The following TMTC1 variants were observed in gnomAD, a reference collection of about 807,000 sequenced individuals.
TMTC1 encodes the protein transmembrane O-mannosyltransferase targeting cadherins 1, also known as protein O-mannosyl-transferase TMTC1.
Under a neutral mutation model 104.8 loss-of-function variants are expected in TMTC1, and 73 were observed. The ratio of observed to expected loss-of-function variants is 0.70; its 90% CI spans 0.58 to 0.85. The LOEUF (loss-of-function observed/expected upper bound fraction) is 0.85, where lower values mean the gene tolerates loss of function less well. Among genes scored for constraint, TMTC1 ranks in the 40% least tolerant of loss-of-function variants. TMTC1 has a pLI of 0.00. For missense variants in TMTC1, 1,035 were observed against 1,096.1 expected, an observed-to-expected ratio of 0.94 and a Z score of 0.79; for synonymous variants, 434 against 428.7, an observed-to-expected ratio of 1.01 and a Z score of -0.15.
At chr12:29,622,587 T>C (rs756304624) in intron 6 of TMTC1, among the ~76,000 whole-genome samples, 2 of 152,212 alleles carry the variant, frequency 1.3e-5, no homozygotes, top group Admixed American at 6.5e-5. Context: ...GAATGGAATA[T>C]TCAGCCTTTG....
intron 5 of TMTC1, among the ~76,000 whole-genome samples, chr12:29,724,707 A>T (rs777938753): frequency 2.6e-5 from 4 of 152,212 alleles, no homozygotes; most frequent in Non-Finnish European, 5.9e-5. Flanking sequence ...ATCATATAGG[A>T]ATACAAACGT....
intron 8 of TMTC1, 82 bp downstream of exon 8, chr12:29,583,325 C>G: frequency 7.4e-7 from 1 of 1,355,548 alleles, no homozygotes; most frequent in Admixed American, 2.1e-5. Flanking sequence ...CTGCCAGGCC[C>G]ATGTTACCTC....
chr12:29,562,895 C>T (rs560490804), intron 9 of TMTC1, among the ~76,000 whole-genome samples: 69 of 152,302 alleles, frequency 4.5e-4, no homozygotes, highest in African/African-American at 1.5e-3. Context: ...CCATGCCAGG[C>T]TGAAGCAGCC....
chr12:29,544,299 A>G (rs1019974201), intron 10 of TMTC1, among the ~76,000 whole-genome samples: 8 of 151,872 alleles, frequency 5.3e-5, no homozygotes, highest in East Asian at 1.9e-4. Context: ...GTGGCGCAAA[A>G]GTGGCACTGG....
At chr12:29,525,599 A>C (rs1172563500) in intron 11 of TMTC1, among the ~76,000 whole-genome samples, 1 of 142,402 alleles carries the variant, frequency 7.0e-6, no homozygotes, top group Non-Finnish European at 1.6e-5. Flanking sequence ...TTTTTTTTTA[A>C]ATCTAGCGAA....
intron 5 of TMTC1, among the ~76,000 whole-genome samples, chr12:29,725,492 C>T (rs1438342209): frequency 6.6e-6 from 1 of 152,092 alleles, no homozygotes; most frequent in Non-Finnish European, 1.5e-5. Context: ...AGCTACCACA[C>T]CCAGTCCTGC....
At chr12:29,507,014 C>A (rs1479137245) in intron 17 of TMTC1, 28 bp from the exon 18 acceptor site, 1 of 1,599,070 alleles carries the variant, frequency 6.3e-7, no homozygotes, top group Non-Finnish European at 8.6e-7. Context: ...GGAGCAATTA[C>A]ATTCTGATCC....
intron 5 of TMTC1, among the ~76,000 whole-genome samples, chr12:29,719,016 A>T (rs1008772862): frequency 6.6e-6 from 1 of 151,996 alleles, no homozygotes; most frequent in Non-Finnish European, 1.5e-5. Flanking sequence ...AAATGATACG[A>T]TCTGAAGAAA....
intron 5 of TMTC1, among the ~76,000 whole-genome samples, chr12:29,693,151 TAC>T (rs1941314030): frequency 6.9e-6 from 1 of 145,094 alleles, no homozygotes. Context: ...ATTTATGAGG[TAC>T]AGAGGGATAT....
intron 17 of TMTC1, among the ~76,000 whole-genome samples, chr12:29,507,270 A>G (rs1440343919): frequency 6.6e-6 from 1 of 152,186 alleles, no homozygotes; most frequent in Non-Finnish European, 1.5e-5. Context: ...GTGTGAGGTT[A>G]CCATTTCCTG....
chr12:29,745,636 A>G (rs1225774411), intron 5 of TMTC1, among the ~76,000 whole-genome samples: 15 of 151,254 alleles, frequency 9.9e-5, no homozygotes, highest in Non-Finnish European at 1.5e-4. Context: ...AAAAAAAAAA[A>G]AAAGAAAGAA....
rs183010509 is a variant in TMTC1 at position 29,732,601 on chromosome 12, T to C, written c.938+19065A>G. On this transcript the variant is annotated intron_variant, in intron 5 of 17. Transcript: ENST00000539277. ...CAAAATGTTAATAACAGCACTGATC[T>C]CAAAAGAGACTCTTTATGTATTAAA... is the stretch of plus-strand genomic sequence containing the variant. Among the ~76,000 whole-genome samples the C allele has an allele frequency of 1.6e-4, 25 of 152,280 alleles. No individual in the cohort carries two copies. In the East Asian group the frequency reaches 4.8e-3, roughly 29 times the overall value.
chr12:29,513,663 AAGG>A (rs1389260566), intron 16 of TMTC1, among the ~76,000 whole-genome samples: 1 of 152,236 alleles, frequency 6.6e-6, no homozygotes, highest in Non-Finnish European at 1.5e-5. Context: ...TACCAGATAT[AAGG>A]AGAAAGTATG....
intron 7 of TMTC1, among the ~76,000 whole-genome samples, chr12:29,584,764 T>C (rs964410295): frequency 2.7e-4 from 41 of 152,024 alleles, no homozygotes; most frequent in African/African-American, 8.9e-4. Flanking sequence ...ACAAAGGACA[T>C]GAACTCATCA....
chr12:29,708,596 A>G (rs763959592), intron 5 of TMTC1, among the ~76,000 whole-genome samples: 50 of 152,190 alleles, frequency 3.3e-4, no homozygotes, highest in Non-Finnish European at 5.6e-4. Flanking sequence ...CAGAGCCACA[A>G]TGCACATTTC....
At chr12:29,775,664 G>C (rs531094505) in intron 1 of TMTC1, among the ~76,000 whole-genome samples, 1 of 152,234 alleles carries the variant, frequency 6.6e-6, no homozygotes, top group South Asian at 2.1e-4. Context: ...AGTGTCCAGA[G>C]TTTTTATTGG....
Position 29,505,791 on chromosome 12 carries a change from T to A in TMTC1, c.*1055A>T, listed in dbSNP as rs1352986075. The A allele has an allele frequency of 6.6e-6, 1 of 152,046 alleles. No homozygotes were observed. The highest frequency in any genetic ancestry group is 6.6e-5 in the Admixed American group (1 of 15,264). The allele number at this position is 152,046 out of a possible 1,614,324, so 9.4% of individuals were successfully genotyped here. On this transcript the variant is annotated 3_prime_UTR_variant, in exon 18 of 18. Transcript: ENST00000539277. ...ACAAAGAATTCTGGGTATTAATCGT[T>A]GATGTTCTAAGCCCAGAATTCTCAT...
chr12:29,729,422 CT>C (rs1229836604), intron 5 of TMTC1, among the ~76,000 whole-genome samples: 1 of 152,030 alleles, frequency 6.6e-6, no homozygotes, highest in Non-Finnish European at 1.5e-5. Context: ...CTTCTGCTTT[CT>C]AGTTTCATGC....
rs568761553 is a variant in TMTC1, at chr12:29,775,030, T to C, written c.303-6955A>G. ...CACTGTTACATTAGTACTAGAGTAATAGTACAGTTATTAGAGTAATAACTG... is the reference window on the plus strand; with the variant it reads ...CACTGTTACATTAGTACTAGAGTAACAGTACAGTTATTAGAGTAATAACTG... On this transcript the variant is annotated intron_variant, in intron 1 of 17. Coordinates refer to ENST00000539277, the MANE Select transcript of TMTC1 (RefSeq NM_001193451.2). Among the ~76,000 whole-genome samples, 16 of 152,196 alleles carry C rather than the reference T, an allele frequency of 1.1e-4. No individual in the cohort carries two copies. The South Asian group carries it at 3.3e-3, about 32-fold the overall frequency.
Sources: allele counts gnomAD v4.1 joint callset (sites outside exome capture counted in the v4.1 genomes callset), GRCh38; gene constraint gnomAD v4.1.1; transcripts MANE v1.5; gene names NCBI Gene and HGNC (gene_info 2026-07-23, HGNC 2026-07-21).